EP400: variants seen among roughly 807,000 people sequenced by gnomAD.
The protein encoded by EP400 is E1A-binding protein p400.
Under a neutral mutation model 354.1 loss-of-function variants are expected in EP400, and 105 were observed. The ratio of observed to expected loss-of-function variants is 0.30; its 90% CI spans 0.25 to 0.35. The LOEUF (loss-of-function observed/expected upper bound fraction) is 0.35. Among genes scored for constraint, EP400 ranks in the 10% least tolerant of loss-of-function variants. The pLI is 1.00. For synonymous variants in EP400, 1,646 were observed against 1,716.9 expected (o/e 0.96, Z 1.02); for missense variants, 3,280 against 4,121.0 (o/e 0.80, Z 5.59).
intron 15 of EP400, among the ~76,000 whole-genome samples, chr12:132,009,872 A>G (rs532923488): frequency 3.9e-5 from 4 of 102,890 alleles, no homozygotes; most frequent in African/African-American, 1.6e-4. Context: ...ATGAGGTCTT[A>G]CTATGTTACC....
At chr12:131,959,420 C>T (rs1046531050) in intron 1 of EP400, among the ~76,000 whole-genome samples, 3 of 152,154 alleles carry the variant, frequency 2.0e-5, no homozygotes, top group Non-Finnish European at 4.4e-5. Flanking sequence ...GTCCTCCTTT[C>T]CCCTGTAGAT....
At chr12:131,976,639 G>A (rs1012042138) in intron 2 of EP400, among the ~76,000 whole-genome samples, 1 of 152,292 alleles carries the variant, frequency 6.6e-6, no homozygotes, top group African/African-American at 2.4e-5. Flanking sequence ...GAACCCAGGA[G>A]GTGGAGGTTG....
At chr12:131,977,961 T>C (rs991644122) in intron 2 of EP400, among the ~76,000 whole-genome samples, 3 of 152,200 alleles carry the variant, frequency 2.0e-5, no homozygotes, top group Non-Finnish European at 2.9e-5. Flanking sequence ...GTTTAAAATG[T>C]CTCACTAAGT....
intron 2 of EP400, among the ~76,000 whole-genome samples, chr12:131,972,412 C>T (rs1892320824): frequency 6.6e-6 from 1 of 152,120 alleles, no homozygotes; most frequent in South Asian, 2.1e-4. Flanking sequence ...CTCGGCCTCC[C>T]AAAGTGCTGG....
rs1330159006 is a variant in EP400, at chr12:132,032,067, A to C, written c.5869A>C (p.Asn1957His). 6.2e-7 allele frequency: 1 copy of C among 1,614,218 alleles called. No individual in the cohort carries two copies. Among genetic ancestry groups the C allele is most frequent in the East Asian group, 2.2e-5 (1 of 44,884 alleles). Reference protein sequence around the residue: ...VEADTVVFYDNDLNPVMDAKA... With the variant: ...VEADTVVFYDHDLNPVMDAKA... The stretch of plus-strand genomic sequence containing the variant: ...GGCGGACACCGTCGTGTTTTATGAC[A>C]ATGACCTGAATCCAGTGATGGATGC... Residue 1957 changes from asparagine (N) to histidine (H), a missense_variant, in exon 30 of 53, where the codon AAT (asparagine) becomes CAT (histidine). Asn to His is a moderately conservative substitution (Grantham distance 68). Coordinates refer to ENST00000389561, the MANE Select transcript of EP400 (RefSeq NM_015409.5).
At chr12:132,053,896 C>T (rs2136592516) in intron 43 of EP400, among the ~76,000 whole-genome samples, 1 of 152,256 alleles carries the variant, frequency 6.6e-6, no homozygotes, top group South Asian at 2.1e-4. Flanking sequence ...TTGTAATTGC[C>T]TGGGTTTTGT....
rs952203749 is a variant in EP400 at position 132,038,460 on chromosome 12, TG to T, written c.6207+366del. ...CCTACTCCCCTCTAGCTGGCTGTGT[TG>T]GCTTCTCCCTGAGCAGTGCAGCCAT... is the stretch of plus-strand genomic sequence containing the variant. On this transcript the variant is annotated intron_variant, in intron 32 of 52. Coordinates refer to ENST00000389561, the MANE Select transcript of EP400 (RefSeq NM_015409.5). This position sits in a 1 kb window ranked among gnomAD's most constrained non-coding sequence, Gnocchi z 4.2. Among the ~76,000 whole-genome samples the T allele has an allele frequency of 1.1e-4, 16 of 152,192 alleles. No individual in the cohort carries two copies. The highest frequency in any genetic ancestry group is 3.6e-4 in the African/African-American group (15 of 41,446).
chr12:132,028,347 C>A, intron 27 of EP400, 59 bp downstream of exon 27: 1 of 1,582,328 alleles, frequency 6.3e-7, no homozygotes, highest in Non-Finnish European at 8.6e-7. Context: ...CCCGGCAAGA[C>A]CCCTTCTTGT....
At chr12:132,065,979 A>G (rs559785431) in intron 48 of EP400, 1 of 152,266 alleles carries the variant, frequency 6.6e-6, no homozygotes, top group Non-Finnish European at 1.5e-5. Flanking sequence ...TTACAAAGTG[A>G]TGAATGTACA....
intron 12 of EP400, among the ~76,000 whole-genome samples, chr12:132,003,365 A>G (rs991879296): frequency 9.2e-5 from 14 of 152,282 alleles, no homozygotes; most frequent in Admixed American, 1.3e-4. Flanking sequence ...ATATGAGAGG[A>G]TGTGTATAGG....
rs368195077 is a variant in EP400, at chr12:131,987,701, A to G, written c.2224-4A>G. 1.1e-5 allele frequency: 17 copies of G among 1,597,546 alleles called. No individual in the cohort carries two copies. In the African/African-American group the frequency reaches 1.6e-4, roughly 15 times the overall value. Reference sequence around the variant, plus strand: ...CCCCACCATCCCCCATGTATCATCTACAGGAGAACCAGGTGCATCAGCGCA... The same window carrying G: ...CCCCACCATCCCCCATGTATCATCTGCAGGAGAACCAGGTGCATCAGCGCA... On this transcript the variant is annotated splice_polypyrimidine_tract_variant and splice_region_variant and intron_variant, in intron 6 of 52. Coordinates refer to ENST00000389561, the MANE Select transcript of EP400 (RefSeq NM_015409.5).
chr12:131,959,889 G>C (rs927946489), intron 1 of EP400, among the ~76,000 whole-genome samples: 1 of 152,198 alleles, frequency 6.6e-6, no homozygotes, highest in Admixed American at 6.5e-5. Context: ...CAGTAGCCCC[G>C]GGCCTGACAC....
At chr12:132,035,116 T>C (rs1331377000) in intron 30 of EP400, among the ~76,000 whole-genome samples, 2 of 152,120 alleles carry the variant, frequency 1.3e-5, no homozygotes, top group Non-Finnish European at 2.9e-5. Context: ...TCCATCCCAA[T>C]TGGCCAGAAA....
rs1565930141 is a variant in EP400, at chr12:132,053,494, T to C, written c.7625T>C (p.Val2542Ala). The C allele has an allele frequency of 1.1e-5, 17 of 1,536,310 alleles. No homozygotes were observed. The East Asian group carries it at 4.1e-4, about 37-fold the overall frequency. The part of the protein sequence containing the change: ...GSQPPAGPPA[V>A]QPQPQPQPQT... Reference sequence around the variant, plus strand: ...CAGCCGCCAGCAGGGCCACCAGCTGTCCAGCCCCAACCCCAGCCACAGCCC... The same window carrying C: ...CAGCCGCCAGCAGGGCCACCAGCTGCCCAGCCCCAACCCCAGCCACAGCCC... Residue 2542 changes from valine (V) to alanine (A), a missense_variant, in exon 43 of 53, where the codon GTC (valine) becomes GCC (alanine). This residue lies in a region of EP400 where 255 missense variants were observed against 295.9 expected (regional missense o/e 0.86). Coordinates refer to ENST00000389561, the MANE Select transcript of EP400 (RefSeq NM_015409.5).
chr12:132,032,092 C>G lies in EP400; in HGVS notation c.5894C>G (p.Ala1965Gly). ...YDNDLNPVMDAKAQEWCDRIG... is the reference protein window; with the variant it reads ...YDNDLNPVMDGKAQEWCDRIG... ...AATGACCTGAATCCAGTGATGGATG[C>G]CAAAGCTCAGGAGTGGTGCGATAGG... Residue 1965 changes from alanine to glycine, a missense_variant, in exon 30 of 53, where the codon GCC becomes GGC. By Grantham distance (60) the Ala-to-Gly change is moderately conservative. This residue lies in a region of EP400 where 459 missense variants were observed against 496.9 expected (regional missense o/e 0.92). Transcript: ENST00000389561. 6.2e-7 allele frequency: 1 copy of G among 1,614,028 alleles called. No individual in the cohort carries two copies. The highest frequency in any genetic ancestry group is 8.5e-7 in the Non-Finnish European group (1 of 1,179,990).
chr12:131,962,151 G>A (rs540429664), intron 2 of EP400, among the ~76,000 whole-genome samples, 197 bp downstream of exon 2: 127 of 152,322 alleles, frequency 8.3e-4, no homozygotes, highest in African/African-American at 2.9e-3. Flanking sequence ...GCTGTTGAGC[G>A]CAGAAGTGTG....
In EP400 at chr12:132,005,235, T is replaced by C. The variant is rs766025471; in HGVS notation, c.2935+51T>C. On this transcript the variant is annotated intron_variant, in intron 13 of 52. Coordinates refer to ENST00000389561, the MANE Select transcript of EP400 (RefSeq NM_015409.5). ...TCAGGGTTAAAAGCAGAAGCCGGAG[T>C]ACTTACAAAGACTTAAAATAAGATT... The C allele has an allele frequency of 4.4e-6, 6 of 1,360,924 alleles. No individual in the cohort carries two copies. In the South Asian group the frequency reaches 8.6e-5, roughly 19 times the overall value. 84.3% of individuals were successfully genotyped at this position (1,360,924 alleles called of 1,614,324 possible).
At position 132,018,342 on chromosome 12, in the gene EP400, G is replaced by T; in HGVS notation, c.4243G>T (p.Ala1415Ser). Residue 1415 changes from alanine (A) to serine (S), a missense_variant, in exon 21 of 53, where the codon GCC becomes TCC. Physicochemically the swap from Ala to Ser is moderately conservative, Grantham distance 99. This residue lies in a region of EP400 where 342 missense variants were observed against 342.7 expected (regional missense o/e 1.00). Coordinates refer to ENST00000389561, the MANE Select transcript of EP400 (RefSeq NM_015409.5). This position sits in a 1 kb window ranked among gnomAD's most constrained non-coding sequence, Gnocchi z 4.0. Reference protein sequence around the residue: ...EEISTSAAPAARPAAAKLKAS... With the variant: ...EEISTSAAPASRPAAAKLKAS... ...AATCTCCACTTCAGCAGCCCCAGCA[G>T]CCCGACCAGCAGCAGCAAAGCTGAA... 6.2e-7 allele frequency: 1 copy of T among 1,610,246 alleles called. No homozygotes were observed. The highest frequency in any genetic ancestry group is 8.5e-7 in the Non-Finnish European group (1 of 1,178,976).
At chr12:132,055,831 G>A (rs909709638) in intron 45 of EP400, among the ~76,000 whole-genome samples, 3 of 151,620 alleles carry the variant, frequency 2.0e-5, no homozygotes, top group South Asian at 2.1e-4. Flanking sequence ...GTGAGGGTCC[G>A]CTGCTGATTC....
Sources: allele counts gnomAD v4.1 joint callset (sites outside exome capture counted in the v4.1 genomes callset), GRCh38; gene constraint gnomAD v4.1.1; regional missense constraint gnomAD v4.1.1; non-coding constraint Gnocchi (gnomAD v3.1); transcripts MANE v1.5; gene names NCBI Gene and HGNC (gene_info 2026-07-23, HGNC 2026-07-21).